Variants in CLCN2 observed in about 807,000 individuals in gnomAD.
CLCN2 encodes chloride voltage-gated channel 2, also known as chloride channel protein 2.
In CLCN2, 72 loss-of-function variants were observed where a neutral mutation model predicts 108.3. The observed-to-expected ratio is 0.66, with a 90% CI of 0.55 to 0.81. CLCN2 has a LOEUF of 0.81. CLCN2 is among the 30% of genes least tolerant of loss of function. CLCN2 has a pLI of 0.00. For synonymous variants in CLCN2, 471 were observed against 467.1 expected (o/e 1.01, Z -0.11); for missense variants, 1,048 against 1,205.2 (o/e 0.87, Z 1.93).
At position 184,353,434 on chromosome 3, in the gene CLCN2, A is replaced by G. The variant is rs761187331; in HGVS notation, c.1856-12T>C. 1.3e-6 allele frequency: 2 copies of G among 1,598,302 alleles called. No individual in the cohort carries two copies. The highest frequency in any genetic ancestry group is 1.7e-6 in the Non-Finnish European group (2 of 1,172,144). On this transcript the variant is annotated splice_polypyrimidine_tract_variant and intron_variant, in intron 16 of 23. Transcript: ENST00000265593. Reference sequence around the variant, plus strand: ...CAGAATCATGGACTCTGGACAGAACAGGTGGAAGGACTCAGGAGCTGAGAG... The same window carrying G: ...CAGAATCATGGACTCTGGACAGAACGGGTGGAAGGACTCAGGAGCTGAGAG...
At position 184,355,598 on chromosome 3, in the gene CLCN2, G is replaced by A. The variant is rs903674600; in HGVS notation, c.1171-69C>T. ...AAGGGAAGAGGCCATGGGATCCCACGGGGAACAAGGGGTCCCACAGTCACA... is the reference window on the plus strand; with the variant it reads ...AAGGGAAGAGGCCATGGGATCCCACAGGGAACAAGGGGTCCCACAGTCACA... On this transcript the variant is annotated intron_variant, in intron 11 of 23. Transcript: ENST00000265593. The surrounding 1 kb of genome is among the most constrained non-coding windows in gnomAD (Gnocchi z 6.3). 28 of 1,604,968 alleles carry A rather than the reference G, an allele frequency of 1.7e-5. No individual in the cohort carries two copies. The highest frequency in any genetic ancestry group is 1.7e-4 in the Admixed American group (10 of 59,976).
intron 15 of CLCN2, 92 bp downstream of exon 15, chr3:184,354,009 G>A: frequency 7.0e-7 from 1 of 1,433,192 alleles, no homozygotes; most frequent in Non-Finnish European, 9.7e-7. Flanking sequence ...CAGCTTCGTA[G>A]GCTCCAGGAC....
At chr3:184,347,308 G>T (rs975170212) in intron 22 of CLCN2, 1 of 476,060 alleles carries the variant, frequency 2.1e-6, no homozygotes, top group Non-Finnish European at 3.9e-6. Context: ...AAAGGGGGAC[G>T]TGGGACAGAA....
Position 184,355,534 on chromosome 3 carries a change from A to C in CLCN2, c.1171-5T>G. The C allele has an allele frequency of 1.9e-6, 3 of 1,614,082 alleles. No individual in the cohort carries two copies. The highest frequency in any genetic ancestry group is 2.5e-6 in the Non-Finnish European group (3 of 1,180,012). On this transcript the variant is annotated splice_polypyrimidine_tract_variant and splice_region_variant and intron_variant, in intron 11 of 23. Transcript: ENST00000265593. This position sits in a 1 kb window ranked among gnomAD's most constrained non-coding sequence, Gnocchi z 6.3. Reference sequence around the variant, plus strand: ...CAGCGTCTCTTTCTGTGAGAGCTAGAGTGAACAGGGTGCCTCAGGCTGGGA... The same window carrying C: ...CAGCGTCTCTTTCTGTGAGAGCTAGCGTGAACAGGGTGCCTCAGGCTGGGA...
Position 184,355,274 on chromosome 3 carries a change from C to G in CLCN2, c.1326+100G>C. Reference sequence around the variant, plus strand: ...ACGGGGGTGATAATAGTGCCTTTCCCATGGCACTGTGGAGAGGCTTCGAGG... The same window carrying G: ...ACGGGGGTGATAATAGTGCCTTTCCGATGGCACTGTGGAGAGGCTTCGAGG... On this transcript the variant is annotated intron_variant, in intron 12 of 23. Transcript: ENST00000265593. The surrounding 1 kb of genome is among the most constrained non-coding windows in gnomAD (Gnocchi z 6.3). 7.6e-7 allele frequency: 1 copy of G among 1,323,814 alleles called. No individual in the cohort carries two copies. Among genetic ancestry groups the G allele is most frequent in the South Asian group, 1.2e-5 (1 of 84,386 alleles). 82.0% of individuals were successfully genotyped at this position (1,323,814 alleles called of 1,614,324 possible).
Position 184,354,165 on chromosome 3 carries a change from A to G in CLCN2, c.1657T>C (p.Tyr553His). The G allele has an allele frequency of 1.9e-6, 3 of 1,613,216 alleles. No homozygotes were observed. The highest frequency in any genetic ancestry group is 2.5e-6 in the Non-Finnish European group (3 of 1,179,934). ...AVAQSLQPSL[Y>H]DSIIRIKKLP... Reference sequence around the variant, plus strand: ...TTCTTGATTCGGATGATGCTGTCATAGAGGGAGGGCTGCAGACTCTGGGCG... The same window carrying G: ...TTCTTGATTCGGATGATGCTGTCATGGAGGGAGGGCTGCAGACTCTGGGCG... The change falls in exon 15 of 24, where the codon TAT becomes CAT. Residue 553 changes from tyrosine (Y) to histidine (H), a missense_variant. Coordinates refer to ENST00000265593, the MANE Select transcript of CLCN2 (RefSeq NM_004366.6).
At chr3:184,354,442 G>A (rs1252754264) in intron 14 of CLCN2, 106 bp downstream of exon 14, 8 of 1,325,200 alleles carry the variant, frequency 6.0e-6, no homozygotes, top group Non-Finnish European at 8.6e-6. Flanking sequence ...CTGTGCATCT[G>A]AGGGAAGCCT....
intron 22 of CLCN2, among the ~76,000 whole-genome samples, chr3:184,350,363 C>T (rs1728003857): frequency 1.3e-5 from 2 of 152,086 alleles, no homozygotes; most frequent in Non-Finnish European, 2.9e-5. Flanking sequence ...CCTCAGTTTC[C>T]CTGTGTATTA....
At position 184,355,063 on chromosome 3, in the gene CLCN2, T is replaced by C; in HGVS notation, c.1327-90A>G. 1 of 1,285,006 alleles carries C rather than the reference T, an allele frequency of 7.8e-7. No homozygotes were observed. Among genetic ancestry groups the C allele is most frequent in the South Asian group, 1.2e-5 (1 of 83,006 alleles). The allele number at this position is 1,285,006 out of a possible 1,614,324, so 79.6% of individuals were successfully genotyped here. A position where few individuals can be genotyped will look rare whatever the true frequency, so the allele number is the denominator to read the frequency against. On this transcript the variant is annotated intron_variant, in intron 12 of 23. Coordinates refer to ENST00000265593, the MANE Select transcript of CLCN2 (RefSeq NM_004366.6). The surrounding 1 kb of genome is among the most constrained non-coding windows in gnomAD (Gnocchi z 6.3). ...ACCCAGGAGAAGTCTACCTCGCTGA[T>C]CAGGTGGGCGTAACCCTCCCAGCCA... is the stretch of plus-strand genomic sequence containing the variant.
At chr3:184,356,310 C>T (rs1007614936) in intron 10 of CLCN2, 2 of 187,098 alleles carry the variant, frequency 1.1e-5, no homozygotes, top group East Asian at 2.7e-4. Flanking sequence ...TCCCAATCCT[C>T]AGGGTCACAC....
At position 184,355,033 on chromosome 3, in the gene CLCN2, G is replaced by T; in HGVS notation, c.1327-60C>A. ...TCCACCTGGCCCCAGGCAGCCCACA[G>T]CGCCACCCAGGAGAAGTCTACCTCG... On this transcript the variant is annotated intron_variant, in intron 12 of 23. Transcript: ENST00000265593. This position sits in a 1 kb window ranked among gnomAD's most constrained non-coding sequence, Gnocchi z 6.3. 4.7e-6 allele frequency: 7 copies of T among 1,497,882 alleles called. No homozygotes were observed. The South Asian group carries it at 7.9e-5, about 17-fold the overall frequency. The allele number at this position is 1,497,882 out of a possible 1,614,324, so 92.8% of individuals were successfully genotyped here. A position where few individuals can be genotyped will look rare whatever the true frequency, so the allele number is the denominator to read the frequency against.
In CLCN2 at chr3:184,346,567, G is replaced by A. The variant is rs765755559; in HGVS notation, c.*39C>T. 2.5e-6 allele frequency: 4 copies of A among 1,606,344 alleles called. 1 individual carries two copies. Among genetic ancestry groups the A allele is most frequent in the South Asian group, 2.2e-5 (2 of 90,906 alleles). ...TGAAAGATGCACATTCTGGGCTGAC[G>A]GGCATGGCTAGCACCATCCTAGGCC... On this transcript the variant is annotated 3_prime_UTR_variant, in exon 24 of 24. Coordinates refer to ENST00000265593, the MANE Select transcript of CLCN2 (RefSeq NM_004366.6). The surrounding 1 kb of genome is among the most constrained non-coding windows in gnomAD (Gnocchi z 6.0).
In CLCN2 at chr3:184,358,319, A is replaced by G; in HGVS notation, c.353-9T>C. ...GGACATCCACTGCTGGGCTGTGGGA[A>G]GAGGACCTGCTGGACCCCCAGTGCA... On this transcript the variant is annotated splice_polypyrimidine_tract_variant and intron_variant, in intron 3 of 23. Transcript: ENST00000265593. 1 of 1,613,564 alleles carries G rather than the reference A, an allele frequency of 6.2e-7. No homozygotes were observed.
chr3:184,359,184 G>C, intron 1 of CLCN2, 53 bp from the exon 2 acceptor site: 1 of 1,605,092 alleles, frequency 6.2e-7, no homozygotes, highest in Non-Finnish European at 8.5e-7. Flanking sequence ...GAGTGGGAAC[G>C]CAGGGAGAGT....
intron 15 of CLCN2, 112 bp from the exon 16 acceptor site, chr3:184,353,907 G>A: frequency 6.6e-7 from 1 of 1,513,042 alleles, no homozygotes; most frequent in Non-Finnish European, 9.0e-7. Flanking sequence ...GGGGACGGGA[G>A]CTAAGGACCA....
chr3:184,358,780 G>T lies in CLCN2; in HGVS notation c.254C>A (p.Ser85Tyr), dbSNP rs1369184154. The change falls in exon 3 of 24, where the codon TCC becomes TAC. Residue 85 changes from serine (S) to tyrosine (Y), a missense_variant. Transcript: ENST00000265593. ...CSVRCHKFLV[S>Y]RVGEDWIFLV... ...GAAGATCCAATCTTCACCAACCCTG[G>T]ATACTAGGAACTTGTGGCAGCGGAC... 26 of 1,612,750 alleles carry T rather than the reference G, an allele frequency of 1.6e-5. No homozygotes were observed. In the Admixed American group the frequency reaches 3.8e-4, roughly 24 times the overall value.
chr3:184,350,103 C>T (rs1377361161), intron 22 of CLCN2, among the ~76,000 whole-genome samples: 2 of 152,160 alleles, frequency 1.3e-5, no homozygotes, highest in Non-Finnish European at 2.9e-5. Context: ...TTAGTTGGTT[C>T]CTCAAAGACT....
intron 3 of CLCN2, 84 bp from the exon 4 acceptor site, chr3:184,358,394 T>C: frequency 6.3e-7 from 1 of 1,583,094 alleles, no homozygotes; most frequent in Non-Finnish European, 8.7e-7. Context: ...CGACAGGCTG[T>C]CCCAGGGAGT....
chr3:184,358,520 G>A, intron 3 of CLCN2, 162 bp downstream of exon 3: 1 of 1,144,044 alleles, frequency 8.7e-7, no homozygotes, highest in South Asian at 1.3e-5. Context: ...GCTGTGCCCT[G>A]TGGGAGTGGC....
Sources: allele counts gnomAD v4.1 joint callset (sites outside exome capture counted in the v4.1 genomes callset), GRCh38; gene constraint gnomAD v4.1.1; non-coding constraint Gnocchi (gnomAD v3.1); transcripts MANE v1.5; gene names NCBI Gene and HGNC (gene_info 2026-07-23, HGNC 2026-07-21).